The following BLK variants were observed in gnomAD, a reference collection of about 807,000 sequenced individuals.
The protein encoded by BLK is BLK proto-oncogene, Src family tyrosine kinase, also known as tyrosine-protein kinase Blk.
A neutral mutation model predicts 61.8 loss-of-function variants in BLK; 64 were observed. The ratio of observed to expected loss-of-function variants is 1.03; its 90% CI spans 0.85 to 1.27. The LOEUF is 1.27. Among genes scored for constraint, BLK ranks in the 50% most tolerant of loss-of-function variants. BLK has a pLI of 0.00. For missense variants in BLK, 853 were observed against 660.5 expected (o/e 1.29, Z -3.19); for synonymous variants, 351 against 272.0 (o/e 1.29, Z -2.86).
At chr8:11,504,795 G>A (rs569679017) in intron 1 of BLK, among the ~76,000 whole-genome samples, 12 of 152,334 alleles carry the variant, frequency 7.9e-5, no homozygotes, top group African/African-American at 2.9e-4. Flanking sequence ...GCACCCTGGT[G>A]CTCTCCAGCA....
At chr8:11,550,684 C>A (rs1800859589) in intron 6 of BLK, among the ~76,000 whole-genome samples, 1 of 152,238 alleles carries the variant, frequency 6.6e-6, no homozygotes, top group Non-Finnish European at 1.5e-5. Flanking sequence ...TAGGAAGTGG[C>A]CTGTGCCGTG....
At chr8:11,497,123 G>T (rs924274649) in intron 1 of BLK, among the ~76,000 whole-genome samples, 1 of 152,152 alleles carries the variant, frequency 6.6e-6, no homozygotes, top group African/African-American at 2.4e-5. Context: ...AAGCAGGTGA[G>T]GAGGAAGAAA....
Position 11,563,756 on chromosome 8 carries a change from G to C in BLK, c.1313-147G>C, listed in dbSNP as rs1314567724. 1.6e-5 allele frequency: 12 copies of C among 734,720 alleles called. No individual in the cohort carries two copies. In the East Asian group the frequency reaches 2.7e-4, roughly 17 times the overall value. The allele number at this position is 734,720 out of a possible 1,614,324, so 45.5% of individuals were successfully genotyped here. A position where few individuals can be genotyped will look rare whatever the true frequency, so the allele number is the denominator to read the frequency against. Reference sequence around the variant, plus strand: ...GGCTGTTTAGAGACCGGGCAGCCAGGCAACGCACGAGGCTGGAGAAGTGGT... The same window carrying C: ...GGCTGTTTAGAGACCGGGCAGCCAGCCAACGCACGAGGCTGGAGAAGTGGT... On this transcript the variant is annotated intron_variant, in intron 12 of 12. Transcript: ENST00000259089.
chr8:11,520,862 C>A (rs1167764402), intron 1 of BLK, among the ~76,000 whole-genome samples: 4 of 152,024 alleles, frequency 2.6e-5, no homozygotes, highest in Non-Finnish European at 5.9e-5. Flanking sequence ...CAATAGCTTT[C>A]TTTTTTTCAA....
intron 11 of BLK, among the ~76,000 whole-genome samples, chr8:11,562,097 G>A (rs531009533): frequency 7.2e-5 from 11 of 152,300 alleles, no homozygotes; most frequent in African/African-American, 2.6e-4. Flanking sequence ...GGGATGACAG[G>A]TGTAAGCCAT....
chr8:11,553,519 C>T (rs529631060), intron 6 of BLK: 85 of 300,982 alleles, frequency 2.8e-4, no homozygotes, highest in Non-Finnish European at 4.3e-4. Context: ...GCTTGGGAAG[C>T]GTCACTGCGT....
At chr8:11,500,486 G>A (rs1027994696) in intron 1 of BLK, among the ~76,000 whole-genome samples, 2 of 150,554 alleles carry the variant, frequency 1.3e-5, no homozygotes, top group South Asian at 4.2e-4. Context: ...ATAAACCACT[G>A]CACCTGGCCT....
chr8:11,518,542 T>C (rs2117319925), intron 1 of BLK, among the ~76,000 whole-genome samples: 1 of 151,906 alleles, frequency 6.6e-6, no homozygotes, highest in South Asian at 2.1e-4. Context: ...TCCATCCACT[T>C]CTCTATTTCC....
chr8:11,536,525 G>C (rs1362819171), intron 1 of BLK, among the ~76,000 whole-genome samples: 3 of 152,166 alleles, frequency 2.0e-5, no homozygotes, highest in African/African-American at 7.2e-5. Flanking sequence ...CAAGTAGCTG[G>C]GATTACAGGC....
At chr8:11,515,019 TC>T (rs1442256571) in intron 1 of BLK, among the ~76,000 whole-genome samples, 1 of 151,920 alleles carries the variant, frequency 6.6e-6, no homozygotes, top group African/African-American at 2.4e-5. Context: ...CCCTCCACAT[TC>T]CCCGACAAGC....
Position 11,548,079 on chromosome 8 carries a change from C to G in BLK, c.223C>G (p.Arg75Gly), listed in dbSNP as rs149393791. 873 of 1,613,956 alleles carry G rather than the reference C, an allele frequency of 5.4e-4. 3 individuals are homozygous for G. The Middle Eastern group carries it at 7.7e-3, about 14-fold the overall frequency. Residue 75 changes from arginine (R) to glycine (G), a missense_variant, in exon 4 of 13, where the codon CGG becomes GGG. Arg to Gly is a moderately radical substitution (Grantham distance 125, BLOSUM62 -2). Transcript: ENST00000259089. ...GTATGACTACACCGCTATGAATGATCGGGACCTGCAGATGCTGAAGGGGGA... is the reference window on the plus strand; with the variant it reads ...GTATGACTACACCGCTATGAATGATGGGGACCTGCAGATGCTGAAGGGGGA... ...ALYDYTAMND[R>G]DLQMLKGEKL...
chr8:11,522,845 A>ATGTC (rs1405944661), intron 1 of BLK, among the ~76,000 whole-genome samples: 2 of 152,344 alleles, frequency 1.3e-5, no homozygotes, highest in Non-Finnish European at 2.9e-5. Flanking sequence ...TTGCTTATAC[A>ATGTC]TGTCGTAAAT....
chr8:11,548,124 G>C lies in BLK; in HGVS notation c.268G>C (p.Gly90Arg). 1.9e-6 allele frequency: 3 copies of C among 1,612,406 alleles called. No individual in the cohort carries two copies. Among genetic ancestry groups the C allele is most frequent in the Non-Finnish European group, 2.5e-6 (3 of 1,179,432 alleles). Residue 90 changes from glycine (G) to arginine (R), a missense_variant and splice_region_variant, in exon 4 of 13, where the codon GGA becomes CGA. Transcript: ENST00000259089. ...LKGEKLQVLK[G>R]TGDWWLARSL... is the part of the protein sequence containing the mutation. ...GGGGGAGAAGCTACAGGTCCTGAAGGGGTGAGGTTCCAGGACACCATCCCC... is the reference window on the plus strand; with the variant it reads ...GGGGGAGAAGCTACAGGTCCTGAAGCGGTGAGGTTCCAGGACACCATCCCC...
At chr8:11,561,590 C>T in intron 11 of BLK, 138 bp downstream of exon 11, 1 of 1,155,704 alleles carries the variant, frequency 8.7e-7, no homozygotes, top group Non-Finnish European at 1.3e-6. Flanking sequence ...TCTAGATCAG[C>T]ATTTCCTTCA....
intron 1 of BLK, chr8:11,509,735 C>A (rs1322087827): frequency 6.6e-6 from 1 of 152,206 alleles, no homozygotes; most frequent in Non-Finnish European, 1.5e-5. Flanking sequence ...TCATTTTCTC[C>A]TGACTTTTAA....
At position 11,549,134 on chromosome 8, in the gene BLK, C is replaced by A; in HGVS notation, c.368+12C>A. Reference sequence around the variant, plus strand: ...CTGGAAATGGAAAGGTAGGTGGGCACGGGAACCCCCCTCGAGCCAAGATGC... The same window carrying A: ...CTGGAAATGGAAAGGTAGGTGGGCAAGGGAACCCCCCTCGAGCCAAGATGC... On this transcript the variant is annotated intron_variant, in intron 5 of 12. Transcript: ENST00000259089. 6.3e-7 allele frequency: 1 copy of A among 1,588,466 alleles called. No homozygotes were observed.
intron 1 of BLK, among the ~76,000 whole-genome samples, chr8:11,542,763 T>C (rs1185844360): frequency 1.3e-5 from 2 of 152,204 alleles, no homozygotes; most frequent in Admixed American, 6.5e-5. Context: ...AGAACGTTAG[T>C]CATCTTCTAA....
chr8:11,533,740 C>T (rs1799998852), intron 1 of BLK, among the ~76,000 whole-genome samples: 1 of 152,090 alleles, frequency 6.6e-6, no homozygotes, highest in South Asian at 2.1e-4. Flanking sequence ...AAATGCTTTG[C>T]AGGCTGGAAA....
chr8:11,550,300 T>C, intron 6 of BLK, 38 bp downstream of exon 6: 2 of 1,599,460 alleles, frequency 1.3e-6, no homozygotes, highest in Non-Finnish European at 1.7e-6. Context: ...CTTGCCCTGC[T>C]CCTCCCGGGA....
Sources: allele counts gnomAD v4.1 joint callset (sites outside exome capture counted in the v4.1 genomes callset), GRCh38; gene constraint gnomAD v4.1.1; transcripts MANE v1.5; gene names NCBI Gene and HGNC (gene_info 2026-07-23, HGNC 2026-07-21).